MGAM2: variants seen among roughly 807,000 people sequenced by gnomAD.
MGAM2 encodes maltase-glucoamylase 2 (putative).
Under a neutral mutation model 96.1 loss-of-function variants are expected in MGAM2, and 98 were observed. That is an observed-to-expected ratio of 1.02 (90% CI 0.87 to 1.21). MGAM2 has a LOEUF of 1.21. MGAM2 is among the 50% of genes most tolerant of loss of function. MGAM2 has a pLI of 0.00. For synonymous variants in MGAM2, 749 were observed against 414.8 expected (o/e 1.81, Z -9.79); for missense variants, 2,055 against 1,182.4 (o/e 1.74, Z -10.82).
chr7:142,198,867 C>A, intron 44 of MGAM2, 128 bp downstream of exon 44: 1 of 586,534 alleles, frequency 1.7e-6, no homozygotes, highest in African/African-American at 1.9e-5. Flanking sequence ...CTTTACTGGT[C>A]AGATCCTGTG....
chr7:142,149,548 G>GT (rs146986738), intron 15 of MGAM2, among the ~76,000 whole-genome samples: 43,778 of 149,134 alleles, frequency 0.29, 6,467 homozygotes, highest in South Asian at 0.35. Context: ...TGGATGTTTT[G>GT]TTTTTTTTTT....
chr7:142,154,888 T>C (rs940026770), intron 17 of MGAM2, 43 bp downstream of exon 17: 2 of 701,462 alleles, frequency 2.9e-6, no homozygotes, highest in Non-Finnish European at 5.2e-6. Flanking sequence ...TTGGATTAGC[T>C]AATCTACTGG....
At chr7:142,127,116 T>C (rs1438978745) in intron 3 of MGAM2, among the ~76,000 whole-genome samples, 2 of 152,242 alleles carry the variant, frequency 1.3e-5, no homozygotes, top group Non-Finnish European at 2.9e-5. Context: ...AATTGATGAA[T>C]GTAGTTACTT....
intron 15 of MGAM2, among the ~76,000 whole-genome samples, chr7:142,150,398 C>T (rs1275382538): frequency 6.6e-6 from 1 of 152,106 alleles, no homozygotes; most frequent in Non-Finnish European, 1.5e-5. Flanking sequence ...TTTCTGTAAC[C>T]ACCTCCATTT....
chr7:142,149,563 C>G (rs1444165595), intron 15 of MGAM2, among the ~76,000 whole-genome samples: 1 of 150,558 alleles, frequency 6.6e-6, no homozygotes, highest in Non-Finnish European at 1.5e-5. Context: ...TTTTTTGAGA[C>G]GGAGTCTCGC....
intron 7 of MGAM2, among the ~76,000 whole-genome samples, chr7:142,135,790 G>A (rs987218520): frequency 1.3e-5 from 2 of 149,808 alleles, no homozygotes; most frequent in Middle Eastern, 3.4e-3. Flanking sequence ...TCACAGCTTC[G>A]TCACAGATTT....
rs530299244 is a variant in MGAM2 at position 142,141,649 on chromosome 7, G to A, written c.1317+530G>A. ...CGAGTAGCTGGGATTACAGGCACAC[G>A]CCACCATGCCTGACTAATTTTTGTA... On this transcript the variant is annotated intron_variant, in intron 12 of 47. Coordinates refer to ENST00000477922, the MANE Select transcript of MGAM2 (RefSeq NM_001293626.2). Among the ~76,000 whole-genome samples the A allele has an allele frequency of 1.2e-3, 183 of 152,058 alleles. 1 individual carries two copies. The highest frequency in any genetic ancestry group is 2.0e-3 in the Non-Finnish European group (133 of 67,976).
intron 26 of MGAM2, among the ~76,000 whole-genome samples, chr7:142,169,086 A>C (rs1444896354): frequency 6.6e-6 from 1 of 152,202 alleles, no homozygotes; most frequent in Non-Finnish European, 1.5e-5. Context: ...GCTCCCAGGC[A>C]ATGCTGCTGC....
At chr7:142,196,410 G>A (rs572055572) in intron 38 of MGAM2, 123 bp downstream of exon 38, 2 of 650,718 alleles carry the variant, frequency 3.1e-6, no homozygotes, top group Admixed American at 2.4e-5. Context: ...CAAGAACTGA[G>A]TTCTCTCTGG....
At chr7:142,208,299 C>T in intron 45 of MGAM2, 3 of 570,722 alleles carry the variant, frequency 5.3e-6, no homozygotes, top group South Asian at 4.6e-5. Flanking sequence ...GTAGTCTCCA[C>T]ACTTCAGGTA....
chr7:142,141,816 A>T (rs1277795051), intron 12 of MGAM2, among the ~76,000 whole-genome samples: 1 of 152,102 alleles, frequency 6.6e-6, no homozygotes, highest in Non-Finnish European at 1.5e-5. Context: ...TTAAATTTAC[A>T]CAAGACTTAT....
chr7:142,114,158 G>GA (rs1406138522), intron 1 of MGAM2, among the ~76,000 whole-genome samples: 1 of 70,280 alleles, frequency 1.4e-5, no homozygotes, highest in Non-Finnish European at 2.6e-5. Context: ...AAGAAGGAAA[G>GA]AAAGAAAGAA....
intron 7 of MGAM2, among the ~76,000 whole-genome samples, chr7:142,135,660 G>A (rs768375519): frequency 6.6e-6 from 1 of 151,288 alleles, no homozygotes; most frequent in Non-Finnish European, 1.5e-5. Context: ...GTCACACAGG[G>A]AACTTGTAAA....
In MGAM2 at chr7:142,221,483, C is replaced by T. The variant is rs1189045743; in HGVS notation, c.6972C>T (p.Phe2324=). 1 of 560,010 alleles carries T rather than the reference C, an allele frequency of 1.8e-6. No homozygotes were observed. Among genetic ancestry groups the T allele is most frequent in the African/African-American group, 1.9e-5 (1 of 53,330 alleles). The allele number at this position is 560,010 out of a possible 1,614,324, so 34.7% of individuals were successfully genotyped here. A position where few individuals can be genotyped will look rare whatever the true frequency, so the allele number is the denominator to read the frequency against. The change falls in exon 48 of 48, where the codon TTC becomes TTT. Residue 2324 remains phenylalanine, a synonymous_variant. Transcript: ENST00000477922. ...ILSMFPTSNT[F]TTDKITNFTT... The stretch of plus-strand genomic sequence containing the variant: ...GCATGTTTCCAACAAGTAATACATT[C>T]ACTACTGATAAAATTACTAATTTTA...
rs370452030 is a variant in MGAM2 at position 142,199,860 on chromosome 7, CTT to C, written c.5049-7_5049-6del. The C allele has an allele frequency of 2.9e-3, 1,673 of 584,182 alleles. No individual in the cohort carries two copies. Among genetic ancestry groups the C allele is most frequent in the South Asian group, 6.9e-3 (345 of 49,672 alleles). The allele number at this position is 584,182 out of a possible 1,614,324, so 36.2% of individuals were successfully genotyped here. A position where few individuals can be genotyped will look rare whatever the true frequency, so the allele number is the denominator to read the frequency against. On this transcript the variant is annotated intron_variant, in intron 44 of 47. Coordinates refer to ENST00000477922, the MANE Select transcript of MGAM2 (RefSeq NM_001293626.2). ...ACCTACAATCTAGAGAAAAATAACT[CTT>C]TTTTTTTTTTTTGGTAGTCGACAAA...
At chr7:142,166,749 C>G (rs1334158777) in intron 25 of MGAM2, among the ~76,000 whole-genome samples, 1 of 152,062 alleles carries the variant, frequency 6.6e-6, no homozygotes, top group South Asian at 2.1e-4. Flanking sequence ...TATAGAAGGT[C>G]AGTGTGTGTG....
rs1044727514 is a variant in MGAM2, at chr7:142,167,527, T to A, written c.3027+41T>A. ...CAGATTCTGGTTCTCAAGATGGAGTTTTTAATTTACAGTGCTGTATGGATA... is the reference window on the plus strand; with the variant it reads ...CAGATTCTGGTTCTCAAGATGGAGTATTTAATTTACAGTGCTGTATGGATA... On this transcript the variant is annotated intron_variant, in intron 26 of 47. Transcript: ENST00000477922. The A allele has an allele frequency of 3.5e-4, 249 of 702,592 alleles. 2 individuals are homozygous for A. The East Asian group carries it at 6.7e-3, about 19-fold the overall frequency. The allele number at this position is 702,592 out of a possible 1,614,324, so 43.5% of individuals were successfully genotyped here.
rs1005520543 is a variant in MGAM2, at chr7:142,160,689, A to G, written c.2345+431A>G. Among the ~76,000 whole-genome samples, 5 of 151,288 alleles carry G rather than the reference A, an allele frequency of 3.3e-5. No homozygotes were observed. In the Admixed American group the frequency reaches 3.3e-4, roughly 10 times the overall value. The stretch of plus-strand genomic sequence containing the variant: ...CAAGCCTTGGTTTGGGCTACATACT[A>G]GATGTGTTTACCTTGGGTAACTTAC... On this transcript the variant is annotated intron_variant, in intron 21 of 47. Transcript: ENST00000477922.
intron 39 of MGAM2, 30 bp downstream of exon 39, chr7:142,196,629 C>G (rs750157991): frequency 1.4e-6 from 1 of 735,504 alleles, no homozygotes; most frequent in Admixed American, 1.9e-5. Flanking sequence ...TTACTAATTG[C>G]CCAGTCAGAT....
Sources: gnomAD v4.1 joint callset for allele counts (sites outside exome capture counted in the v4.1 genomes callset) on GRCh38, gnomAD v4.1.1 for gene constraint, MANE v1.5 for transcripts, NCBI Gene and HGNC (gene_info 2026-07-23, HGNC 2026-07-21) for gene names.